The following ASIC2 variants were observed in gnomAD, a reference collection of about 807,000 sequenced individuals.
The protein encoded by ASIC2 is acid-sensing ion channel 2.
ASIC2 carries 25 observed loss-of-function variants against 57.3 expected under a neutral mutation model. The ratio of observed to expected loss-of-function variants is 0.44; its 90% CI spans 0.32 to 0.61. The LOEUF (loss-of-function observed/expected upper bound fraction) is 0.61. Ranked by LOEUF, ASIC2 falls within the 20% of genes least tolerant of loss-of-function variation. ASIC2 has a pLI of 0.06. For synonymous variants in ASIC2, 319 were observed against 307.5 expected (o/e 1.04, Z -0.39); for missense variants, 641 against 738.1 (o/e 0.87, Z 1.52).
intron 1 of ASIC2, among the ~76,000 whole-genome samples, chr17:33,873,804 G>A (rs915786715): frequency 5.3e-5 from 8 of 152,234 alleles, no homozygotes; most frequent in Middle Eastern, 3.4e-3. Context: ...AATCATGCCC[G>A]ACCGTTTTGG....
In ASIC2 at chr17:34,068,723, C is replaced by T. The variant is rs549541057; in HGVS notation, c.555+87255G>A. 2.6e-5 allele frequency among the ~76,000 whole-genome samples: 4 copies of T among 152,248 alleles called. No homozygotes were observed. The South Asian group carries it at 8.3e-4, about 32-fold the overall frequency. On this transcript the variant is annotated intron_variant, in intron 1 of 9. Transcript: ENST00000359872. ...TTGTTTCCTGACAGCAGACCTTTAG[C>T]GTTTCAAAATTAAAGACAATGCCTT...
chr17:34,094,109 T>G (rs2142090802), intron 1 of ASIC2, among the ~76,000 whole-genome samples: 1 of 152,152 alleles, frequency 6.6e-6, no homozygotes, highest in African/African-American at 2.4e-5. Flanking sequence ...TAAAGAAACA[T>G]TCTGGTGATT....
intron 1 of ASIC2, among the ~76,000 whole-genome samples, chr17:33,876,666 G>A (rs1420342293): frequency 6.6e-6 from 1 of 152,168 alleles, no homozygotes; most frequent in Non-Finnish European, 1.5e-5. Context: ...GAGTCCAGCA[G>A]TCATCTAGAA....
At chr17:33,042,502 T>C in intron 3 of ASIC2, among the ~76,000 whole-genome samples, 1 of 152,266 alleles carries the variant, frequency 6.6e-6, no homozygotes, top group East Asian at 1.9e-4. Flanking sequence ...CTGATATTTG[T>C]TGAACCTTTA....
At chr17:33,628,757 G>T (rs1003171541) in intron 1 of ASIC2, among the ~76,000 whole-genome samples, 5 of 152,164 alleles carry the variant, frequency 3.3e-5, no homozygotes, top group African/African-American at 9.7e-5. Context: ...CTCTGAGGTT[G>T]ATACAATTAT....
chr17:34,005,809 C>CT (rs1422995128), intron 1 of ASIC2: 2 of 152,214 alleles, frequency 1.3e-5, no homozygotes, highest in Non-Finnish European at 2.9e-5. Flanking sequence ...TTACTTACAT[C>CT]TACTGGAGAA....
chr17:34,109,543 C>T (rs764430879), intron 1 of ASIC2, among the ~76,000 whole-genome samples: 2 of 152,110 alleles, frequency 1.3e-5, no homozygotes, highest in Non-Finnish European at 2.9e-5. Flanking sequence ...TGCAGTTTTG[C>T]CAGTTTATAC....
rs114904232 is a variant in ASIC2, at chr17:34,066,427, G to C, written c.555+89551C>G. 5.6e-3 allele frequency among the ~76,000 whole-genome samples: 858 copies of C among 152,248 alleles called. 8 individuals are homozygous for C. Among genetic ancestry groups the C allele is most frequent in the African/African-American group, 0.019 (799 of 41,554 alleles). ...TGGAACCTCTTGGGGTGGGTCCTCA[G>C]CATCTATGTTTTTTTAATGTTCTCC... On this transcript the variant is annotated intron_variant, in intron 1 of 9. Transcript: ENST00000359872.
At chr17:33,626,765 C>T (rs1905997519) in intron 1 of ASIC2, among the ~76,000 whole-genome samples, 1 of 152,202 alleles carries the variant, frequency 6.6e-6, no homozygotes, top group African/African-American at 2.4e-5. Context: ...CTCTCACTCC[C>T]TCCTCAACTT....
intron 1 of ASIC2, among the ~76,000 whole-genome samples, chr17:33,679,482 G>A (rs1271554210): frequency 6.6e-6 from 1 of 152,194 alleles, no homozygotes; most frequent in Non-Finnish European, 1.5e-5. Flanking sequence ...GGCCTACCTT[G>A]TACTGGGCTC....
chr17:33,076,681 T>C (rs2092090213), intron 3 of ASIC2, among the ~76,000 whole-genome samples: 1 of 152,240 alleles, frequency 6.6e-6, no homozygotes, highest in African/African-American at 2.4e-5. Flanking sequence ...ACCTTGTATG[T>C]ATTGTTCCGC....
At chr17:33,814,317 C>T (rs888451322) in intron 1 of ASIC2, among the ~76,000 whole-genome samples, 4 of 152,054 alleles carry the variant, frequency 2.6e-5, no homozygotes, top group African/African-American at 4.8e-5. Flanking sequence ...GAAGTGACAT[C>T]GGATGCAAAA....
At chr17:33,271,148 G>A (rs1198006708) in intron 1 of ASIC2, among the ~76,000 whole-genome samples, 1 of 152,042 alleles carries the variant, frequency 6.6e-6, no homozygotes, top group East Asian at 1.9e-4. Flanking sequence ...CTTCTCCCTT[G>A]GGTCAGTGCC....
chr17:33,635,308 T>C (rs1199042177), intron 1 of ASIC2, among the ~76,000 whole-genome samples: 1 of 152,248 alleles, frequency 6.6e-6, no homozygotes, highest in African/African-American at 2.4e-5. Flanking sequence ...GCTGTGAACA[T>C]ATTGTTTCAT....
intron 1 of ASIC2, among the ~76,000 whole-genome samples, chr17:34,049,557 C>A (rs1235005254): frequency 3.3e-5 from 5 of 152,150 alleles, no homozygotes; most frequent in Non-Finnish European, 5.9e-5. Flanking sequence ...AGCCCATCCT[C>A]CCCAGTGGGG....
chr17:34,144,191 A>C (rs1251367004), intron 1 of ASIC2, among the ~76,000 whole-genome samples: 1 of 152,236 alleles, frequency 6.6e-6, no homozygotes, highest in Non-Finnish European at 1.5e-5. Flanking sequence ...GTGAAGACCA[A>C]ATGAAGTATT....
At chr17:34,014,355 A>G (rs901989720) in intron 1 of ASIC2, among the ~76,000 whole-genome samples, 1 of 152,138 alleles carries the variant, frequency 6.6e-6, no homozygotes, top group Non-Finnish European at 1.5e-5. Flanking sequence ...TGCTCTAACC[A>G]TTATGCCACT....
At chr17:33,664,125 C>T (rs143069700) in intron 1 of ASIC2, among the ~76,000 whole-genome samples, 3 of 152,320 alleles carry the variant, frequency 2.0e-5, no homozygotes, top group East Asian at 1.9e-4. Flanking sequence ...ACACTTACGA[C>T]GTCAGCCTTG....
At chr17:33,873,955 G>A (rs1914486317) in intron 1 of ASIC2, among the ~76,000 whole-genome samples, 1 of 152,202 alleles carries the variant, frequency 6.6e-6, no homozygotes, top group South Asian at 2.1e-4. Flanking sequence ...GGGGCTTCCT[G>A]CCTGGAACCA....
Sources: gnomAD v4.1 joint callset for allele counts (sites outside exome capture counted in the v4.1 genomes callset) on GRCh38, gnomAD v4.1.1 for gene constraint, MANE v1.5 for transcripts, NCBI Gene and HGNC (gene_info 2026-07-23, HGNC 2026-07-21) for gene names.